The following PHACTR3 variants were observed in gnomAD, a reference collection of about 807,000 sequenced individuals.
PHACTR3 encodes the protein protein phosphatase 1, regulatory subunit 123.
PHACTR3 carries 16 observed loss-of-function variants against 66.8 expected under a neutral mutation model. That is an observed-to-expected ratio of 0.24 (90% CI 0.16 to 0.36). PHACTR3 has a LOEUF of 0.36. PHACTR3 is among the 10% of genes least tolerant of loss of function. PHACTR3 has a pLI of 1.00. For missense variants in PHACTR3, 647 were observed against 719.9 expected (o/e 0.90, Z 1.16); for synonymous variants, 323 against 292.1 (o/e 1.11, Z -1.08).
intron 1 of PHACTR3, among the ~76,000 whole-genome samples, chr20:59,722,807 G>C (rs967910806): frequency 1.3e-5 from 2 of 152,012 alleles, no homozygotes; most frequent in Non-Finnish European, 1.5e-5. Context: ...GCTTGTTTTG[G>C]GAGGAGCCTC....
intron 1 of PHACTR3, among the ~76,000 whole-genome samples, chr20:59,632,930 C>T (rs573602730): frequency 1.7e-4 from 26 of 152,306 alleles, no homozygotes; most frequent in Admixed American, 1.2e-3. Flanking sequence ...TGGTGTTTCC[C>T]GGGAGGGTGG....
chr20:59,695,133 A>G lies in PHACTR3; in HGVS notation c.119-47974A>G, dbSNP rs568564082. Among the ~76,000 whole-genome samples the G allele has an allele frequency of 2.0e-5, 3 of 152,218 alleles. No individual in the cohort carries two copies. The South Asian group carries it at 6.2e-4, about 32-fold the overall frequency. ...CATCCTGGCTGAGTTTATTACCATA[A>G]TTTTTCCTACGGGTACCTGTGTAAA... On this transcript the variant is annotated intron_variant, in intron 1 of 12. Coordinates refer to ENST00000371015, the MANE Select transcript of PHACTR3 (RefSeq NM_080672.5).
At chr20:59,826,994 TCTCCTTCCCTCC>T (rs961872310) in intron 8 of PHACTR3, among the ~76,000 whole-genome samples, 97 of 152,100 alleles carry the variant, frequency 6.4e-4, no homozygotes, top group African/African-American at 2.1e-3. Context: ...CCCTCCCTTC[TCTCCTTCCCTCC>T]CTCCTTCCCT....
chr20:59,668,867 ATTTTTTTATT>A (rs2036091352), intron 1 of PHACTR3, among the ~76,000 whole-genome samples: 2 of 110,346 alleles, frequency 1.8e-5, no homozygotes, highest in East Asian at 3.1e-4. Context: ...CACACAGCTA[ATTTTTTTATT>A]TTATTTTATT....
intron 1 of PHACTR3, among the ~76,000 whole-genome samples, chr20:59,613,270 C>T (rs533242898): frequency 6.6e-6 from 1 of 152,356 alleles, no homozygotes; most frequent in African/African-American, 2.4e-5. Flanking sequence ...GTCCAGACAG[C>T]ATGATGGCGT....
chr20:59,735,934 C>T lies in PHACTR3; in HGVS notation c.119-7173C>T, dbSNP rs372062026. On this transcript the variant is annotated intron_variant, in intron 1 of 12. Coordinates refer to ENST00000371015, the MANE Select transcript of PHACTR3 (RefSeq NM_080672.5). ...TGTAAGCTCCATGAGGTCAGTGTTC[C>T]GTCAGTCCTAGAACAGTTCTTGCCT... is the stretch of plus-strand genomic sequence containing the variant. Among the ~76,000 whole-genome samples the T allele has an allele frequency of 3.9e-5, 6 of 152,236 alleles. No individual in the cohort carries two copies. In the East Asian group the frequency reaches 5.8e-4, roughly 15 times the overall value.
intron 1 of PHACTR3, among the ~76,000 whole-genome samples, chr20:59,726,840 G>A (rs1004376030): frequency 1.3e-5 from 2 of 152,038 alleles, no homozygotes; most frequent in African/African-American, 2.4e-5. Context: ...TTCATTTGTG[G>A]GAGTTCTTTT....
intron 1 of PHACTR3, among the ~76,000 whole-genome samples, chr20:59,717,776 C>G (rs1051018979): frequency 6.6e-6 from 1 of 152,194 alleles, no homozygotes; most frequent in African/African-American, 2.4e-5. Flanking sequence ...ACTATTCCTC[C>G]AGAATGGCAT....
At chr20:59,689,528 C>G (rs1016835665) in intron 1 of PHACTR3, among the ~76,000 whole-genome samples, 1 of 152,218 alleles carries the variant, frequency 6.6e-6, no homozygotes, top group African/African-American at 2.4e-5. Context: ...CAGGTGCCAT[C>G]CACTGTCCCC....
At position 59,806,156 on chromosome 20, in the gene PHACTR3, A is replaced by T. The variant is rs774601908; in HGVS notation, c.1290A>T (p.Arg430Ser). Residue 430 changes from arginine (R) to serine (S), a missense_variant, in exon 8 of 13, where the codon AGA becomes AGT. By Grantham distance (110) the Arg-to-Ser change is moderately radical (BLOSUM62 -1). Around this residue, in one of 2 missense-constraint regions of PHACTR3, gnomAD observed 577 missense variants for 571.1 expected, o/e 1.01. Transcript: ENST00000371015. Reference protein sequence around the residue: ...NIFPRRTDEERQEIRQQIEMK... With the variant: ...NIFPRRTDEESQEIRQQIEMK... ...TCCCCAGAAGGACTGATGAAGAAAG[A>T]CAGGAGATCCGGCAGCAGATCGAGA... The T allele has an allele frequency of 2.5e-6, 4 of 1,614,112 alleles. No individual in the cohort carries two copies. The highest frequency in any genetic ancestry group is 1.3e-5 in the African/African-American group (1 of 74,946).
intron 1 of PHACTR3, among the ~76,000 whole-genome samples, chr20:59,674,431 CCTTCTCCTGTTCCTT>C (rs2036318260): frequency 3.6e-5 from 5 of 140,412 alleles, no homozygotes; most frequent in African/African-American, 1.3e-4. Flanking sequence ...TCCTGTCCCC[CCTTCTCCTGTTCCTT>C]CCCCTTCTCC....
intron 9 of PHACTR3, among the ~76,000 whole-genome samples, chr20:59,836,970 G>A (rs1020757543): frequency 6.6e-6 from 1 of 152,166 alleles, no homozygotes; most frequent in Non-Finnish European, 1.5e-5. Flanking sequence ...AGTCAGCTCA[G>A]GGAAACGGTG....
chr20:59,846,460 G>A (rs934504670), intron 12 of PHACTR3, among the ~76,000 whole-genome samples: 4 of 152,136 alleles, frequency 2.6e-5, no homozygotes, highest in Admixed American at 2.6e-4. Context: ...TCATATGAAT[G>A]TTTAGGAAAA....
At chr20:59,681,326 G>T (rs890913242) in intron 1 of PHACTR3, among the ~76,000 whole-genome samples, 1 of 152,180 alleles carries the variant, frequency 6.6e-6, no homozygotes, top group East Asian at 1.9e-4. Flanking sequence ...GACGTTAAGG[G>T]TTGTGGAGTC....
chr20:59,718,989 G>C (rs1216425669), intron 1 of PHACTR3, among the ~76,000 whole-genome samples: 4 of 152,224 alleles, frequency 2.6e-5, no homozygotes, highest in African/African-American at 9.6e-5. Context: ...GAATCCATCA[G>C]ATCTTATGAA....
At chr20:59,646,226 T>C (rs1314946279) in intron 1 of PHACTR3, among the ~76,000 whole-genome samples, 1 of 152,178 alleles carries the variant, frequency 6.6e-6, no homozygotes, top group East Asian at 1.9e-4. Context: ...CCTGGGTAAA[T>C]GTCCTGCCAG....
At chr20:59,755,545 C>T (rs1261441238) in intron 4 of PHACTR3, among the ~76,000 whole-genome samples, 181 bp downstream of exon 4, 1 of 152,202 alleles carries the variant, frequency 6.6e-6, no homozygotes, top group East Asian at 1.9e-4. Context: ...TTTGCTGGGG[C>T]ACTTTTCTCT....
At chr20:59,773,562 C>A in intron 6 of PHACTR3, 109 bp downstream of exon 6, 1 of 1,144,986 alleles carries the variant, frequency 8.7e-7, no homozygotes, top group Non-Finnish European at 1.2e-6. Context: ...GTGTCCCGTT[C>A]TACAGTCACT....
intron 1 of PHACTR3, among the ~76,000 whole-genome samples, chr20:59,646,188 T>C (rs1384464056): frequency 6.6e-6 from 1 of 152,212 alleles, no homozygotes; most frequent in Non-Finnish European, 1.5e-5. Context: ...CATCCACAGC[T>C]GCTGCTTGTT....
Sources: allele counts gnomAD v4.1 joint callset (sites outside exome capture counted in the v4.1 genomes callset), GRCh38; gene constraint gnomAD v4.1.1; regional missense constraint gnomAD v4.1.1; transcripts MANE v1.5; gene names NCBI Gene and HGNC (gene_info 2026-07-23, HGNC 2026-07-21).